Variants in MED13L observed in about 807,000 individuals in gnomAD.
The protein encoded by MED13L is mediator of RNA polymerase II transcription subunit 13-like.
Under a neutral mutation model 220.9 loss-of-function variants are expected in MED13L, and 7 were observed. That is an observed-to-expected ratio of 0.03 (90% CI 0.02 to 0.06). The LOEUF is 0.06. Among genes scored for constraint, MED13L ranks in the 10% least tolerant of loss-of-function variants. The pLI, the probability that MED13L is intolerant of heterozygous loss-of-function variation, is 1.00. For synonymous variants in MED13L, 1,011 were observed against 1,015.2 expected, an observed-to-expected ratio of 1.00 and a Z score of 0.08; for missense variants, 1,965 against 2,760.5, an observed-to-expected ratio of 0.71 and a Z score of 6.46.
At chr12:115,968,055 C>CT (rs1876312494) in intron 28 of MED13L, among the ~76,000 whole-genome samples, 1 of 35,706 alleles carries the variant, frequency 2.8e-5, no homozygotes, top group South Asian at 1.5e-3. Flanking sequence ...AATAAAAGTC[C>CT]CCCCCCCCCC....
intron 12 of MED13L, 148 bp from the exon 13 acceptor site, chr12:116,006,141 A>G (rs906412970): frequency 3.0e-6 from 4 of 1,346,456 alleles, no homozygotes; most frequent in Admixed American, 4.0e-5. Context: ...ATTTCCAAAT[A>G]TGTTTATCAG....
chr12:116,185,825 C>T (rs1359160564), intron 2 of MED13L, among the ~76,000 whole-genome samples: 6 of 152,090 alleles, frequency 3.9e-5, no homozygotes, highest in Admixed American at 3.9e-4. Context: ...TCCTGAGTAG[C>T]TGGGATTACA....
rs1407524180 is a variant in MED13L at position 116,015,244 on chromosome 12, C to G, written c.1040G>C (p.Ser347Thr). Residue 347 changes from serine to threonine, a missense_variant, in exon 8 of 31, where the codon AGT becomes ACT. Physicochemically the swap from Ser to Thr is moderately conservative, Grantham distance 58. Coordinates refer to ENST00000281928, the MANE Select transcript of MED13L (RefSeq NM_015335.5). The part of the protein sequence containing the change: ...GESGGMQSAA[S>T]HLVSQDGGMI... The stretch of plus-strand genomic sequence containing the variant: ...CCCTCCATCTTGGGAAACCAGGTGA[C>G]TGGCAGCACTCTGCATACCTCCACT... 1 of 1,613,830 alleles carries G rather than the reference C, an allele frequency of 6.2e-7. No homozygotes were observed. The highest frequency in any genetic ancestry group is 8.5e-7 in the Non-Finnish European group (1 of 1,179,832).
chr12:116,177,154 A>T (rs140122216), intron 2 of MED13L, among the ~76,000 whole-genome samples: 6 of 152,140 alleles, frequency 3.9e-5, no homozygotes, highest in Non-Finnish European at 5.9e-5. Context: ...TCCCCCACTC[A>T]CCAACACCGA....
At chr12:116,191,373 C>CA (rs1454204228) in intron 2 of MED13L, among the ~76,000 whole-genome samples, 5 of 152,062 alleles carry the variant, frequency 3.3e-5, no homozygotes, top group Non-Finnish European at 4.4e-5. Flanking sequence ...CTCTGTCACC[C>CA]AGGCTGGAGT....
chr12:116,127,900 C>A (rs1256639347), intron 2 of MED13L, among the ~76,000 whole-genome samples: 1 of 152,186 alleles, frequency 6.6e-6, no homozygotes, highest in African/African-American at 2.4e-5. Flanking sequence ...CAAGGCTCCA[C>A]CTGATCAAAC....
chr12:116,003,217 G>A, intron 13 of MED13L, 115 bp from the exon 14 acceptor site: 1 of 834,766 alleles, frequency 1.2e-6, no homozygotes, highest in East Asian at 2.6e-5. Context: ...GCGTTTACCA[G>A]GTGAACCTCT....
intron 16 of MED13L, among the ~76,000 whole-genome samples, chr12:115,994,163 A>G (rs1311292883): frequency 3.9e-5 from 6 of 152,184 alleles, no homozygotes; most frequent in Non-Finnish European, 7.4e-5. Context: ...AATCACCTAC[A>G]TGCCAGGTGC....
intron 1 of MED13L, among the ~76,000 whole-genome samples, chr12:116,276,261 C>A (rs1046575655): frequency 2.7e-5 from 4 of 148,630 alleles, no homozygotes; most frequent in Non-Finnish European, 5.9e-5. Flanking sequence ...GCGAGAGAGG[C>A]GAAGGCAGAT....
intron 2 of MED13L, among the ~76,000 whole-genome samples, chr12:116,211,057 G>C (rs887611529): frequency 6.6e-6 from 1 of 152,172 alleles, no homozygotes. Context: ...AAGAGATCTA[G>C]GGAAACTTCG....
intron 27 of MED13L, among the ~76,000 whole-genome samples, chr12:115,969,365 T>G (rs906546636): frequency 3.3e-5 from 5 of 152,188 alleles, no homozygotes; most frequent in African/African-American, 1.2e-4. Flanking sequence ...ACACTCTGCA[T>G]AGCCTCCAAA....
intron 23 of MED13L, among the ~76,000 whole-genome samples, chr12:115,980,201 A>G (rs1366778175): frequency 6.6e-6 from 1 of 152,208 alleles, no homozygotes; most frequent in Non-Finnish European, 1.5e-5. Flanking sequence ...AAAGGGATAC[A>G]TTTATTATTG....
intron 2 of MED13L, among the ~76,000 whole-genome samples, chr12:116,144,251 G>A (rs1174717405): frequency 6.6e-6 from 1 of 152,140 alleles, no homozygotes; most frequent in South Asian, 2.1e-4. Flanking sequence ...AGCCATCACC[G>A]ATAAAGTCCA....
At chr12:116,092,133 G>A (rs41416545) in intron 4 of MED13L, among the ~76,000 whole-genome samples, 9,702 of 152,234 alleles carry the variant, frequency 0.064, 473 homozygotes, top group East Asian at 0.15. Flanking sequence ...CTTCCCATCA[G>A]CAAGCCCTTA....
At chr12:116,126,294 C>T (rs1875580649) in intron 2 of MED13L, among the ~76,000 whole-genome samples, 1 of 152,182 alleles carries the variant, frequency 6.6e-6, no homozygotes, top group Admixed American at 6.5e-5. Context: ...GAGTTCAATC[C>T]TATGTTCTTT....
chr12:116,275,900 C>T (rs535555884), intron 1 of MED13L, among the ~76,000 whole-genome samples: 1 of 152,206 alleles, frequency 6.6e-6, no homozygotes, highest in African/African-American at 2.4e-5. Context: ...TAAACAAATT[C>T]GTACTCTCCT....
intron 4 of MED13L, among the ~76,000 whole-genome samples, chr12:116,059,452 T>C (rs1363346985): frequency 6.6e-6 from 1 of 151,730 alleles, no homozygotes; most frequent in Non-Finnish European, 1.5e-5. Context: ...GTTTCCCTCT[T>C]ACCACCTTGG....
intron 4 of MED13L, among the ~76,000 whole-genome samples, chr12:116,078,472 C>G (rs977658943): frequency 6.6e-6 from 1 of 152,096 alleles, no homozygotes; most frequent in Admixed American, 6.5e-5. Flanking sequence ...ATCCAAGATC[C>G]TAGACTTTGT....
intron 2 of MED13L, chr12:116,174,585 C>T (rs1879913117): frequency 6.6e-6 from 1 of 151,932 alleles, no homozygotes; most frequent in African/African-American, 2.4e-5. Flanking sequence ...AGATAGGCCC[C>T]ATAATGACTA....
Sources: allele counts gnomAD v4.1 joint callset (sites outside exome capture counted in the v4.1 genomes callset), GRCh38; gene constraint gnomAD v4.1.1; transcripts MANE v1.5; gene names NCBI Gene and HGNC (gene_info 2026-07-23, HGNC 2026-07-21).